Variants in GRM8 observed in about 807,000 individuals in gnomAD.
GRM8 encodes glutamate metabotropic receptor 8, also known as metabotropic glutamate receptor 8.
Under a neutral mutation model 87.2 loss-of-function variants are expected in GRM8, and 47 were observed. That is an observed-to-expected ratio of 0.54 (90% CI 0.43 to 0.69). The LOEUF (loss-of-function observed/expected upper bound fraction) is 0.69. Among genes scored for constraint, GRM8 ranks in the 30% least tolerant of loss-of-function variants. GRM8 has a pLI of 0.00. For synonymous variants in GRM8, 396 were observed against 404.5 expected, an observed-to-expected ratio of 0.98 and a Z score of 0.25; for missense variants, 1,019 against 1,139.2, an observed-to-expected ratio of 0.89 and a Z score of 1.52.
At chr7:127,175,522 C>A (rs1794050724) in intron 2 of GRM8, among the ~76,000 whole-genome samples, 1 of 152,118 alleles carries the variant, frequency 6.6e-6, no homozygotes, top group African/African-American at 2.4e-5. Context: ...AACACTTAAA[C>A]TACTTGTAGG....
At chr7:127,036,904 G>A (rs1369927990) in intron 3 of GRM8, among the ~76,000 whole-genome samples, 1 of 152,114 alleles carries the variant, frequency 6.6e-6, no homozygotes, top group African/African-American at 2.4e-5. Flanking sequence ...CAAGTAAACA[G>A]GTTTTATAGT....
chr7:126,797,524 A>ATATTCAT (rs1198515627), intron 6 of GRM8, among the ~76,000 whole-genome samples: 3 of 152,054 alleles, frequency 2.0e-5, no homozygotes, highest in Non-Finnish European at 2.9e-5. Flanking sequence ...GTCCATGAAT[A>ATATTCAT]TATTCATTAG....
chr7:127,056,792 T>C (rs73442145), intron 3 of GRM8, among the ~76,000 whole-genome samples: 133 of 152,338 alleles, frequency 8.7e-4, no homozygotes, highest in African/African-American at 3.0e-3. Context: ...GGAGCTTAAG[T>C]ATTCAAAAGT....
intron 3 of GRM8, among the ~76,000 whole-genome samples, chr7:127,056,357 G>A (rs142189643): frequency 1.2e-4 from 18 of 152,312 alleles, no homozygotes; most frequent in African/African-American, 3.8e-4. Flanking sequence ...GCCATAAACT[G>A]TAGAAGCACA....
At chr7:127,170,501 C>T (rs1332183465) in intron 2 of GRM8, among the ~76,000 whole-genome samples, 1 of 152,158 alleles carries the variant, frequency 6.6e-6, no homozygotes, top group East Asian at 1.9e-4. Context: ...TACCTACCCA[C>T]AGGAAAAGAA....
chr7:126,861,217 T>C (rs1798107755), intron 6 of GRM8, among the ~76,000 whole-genome samples: 1 of 152,156 alleles, frequency 6.6e-6, no homozygotes, highest in Admixed American at 6.5e-5. Context: ...ATAAAGAGTG[T>C]ATTATACTAT....
intron 1 of GRM8, among the ~76,000 whole-genome samples, chr7:127,248,065 A>T (rs1000024209): frequency 4.0e-5 from 6 of 151,774 alleles, no homozygotes; most frequent in East Asian, 3.9e-4. Context: ...CCAGGCATTT[A>T]AAAAAAAATC....
rs908464182 is a variant in GRM8 at position 126,527,197 on chromosome 7, A to G, written c.2430+5755T>C. On this transcript the variant is annotated intron_variant, in intron 9 of 10. Coordinates refer to ENST00000339582, the MANE Select transcript of GRM8 (RefSeq NM_000845.3). ...AATATGGTGAAACCCCATCTCTACT[A>G]AAAATACAAAATTAGCTGGGCATAG... Among the ~76,000 whole-genome samples the G allele has an allele frequency of 2.6e-5, 4 of 152,130 alleles. No homozygotes were observed. In the South Asian group the frequency reaches 8.3e-4, roughly 32 times the overall value.
intron 2 of GRM8, among the ~76,000 whole-genome samples, chr7:127,147,417 A>T (rs932146590): frequency 6.6e-6 from 1 of 151,960 alleles, no homozygotes. Flanking sequence ...ATATTGTTAA[A>T]CCCTTTCGTA....
intron 8 of GRM8, among the ~76,000 whole-genome samples, chr7:126,593,617 AAATAT>A (rs1796894216): frequency 6.6e-6 from 1 of 152,042 alleles, no homozygotes; most frequent in Non-Finnish European, 1.5e-5. Flanking sequence ...TTAAATACTT[AAATAT>A]AAGACCCAAA....
At chr7:127,173,196 A>G (rs1274394941) in intron 2 of GRM8, among the ~76,000 whole-genome samples, 3 of 152,232 alleles carry the variant, frequency 2.0e-5, no homozygotes, top group African/African-American at 7.2e-5. Context: ...GTAATATGTT[A>G]GAATGCAGTA....
chr7:127,199,146 T>C (rs1413395527), intron 2 of GRM8, among the ~76,000 whole-genome samples: 3 of 151,350 alleles, frequency 2.0e-5, no homozygotes, highest in Non-Finnish European at 4.4e-5. Flanking sequence ...CGGCTTTTTT[T>C]TTTCTTTAAG....
intron 2 of GRM8, among the ~76,000 whole-genome samples, chr7:127,158,247 C>A (rs1392083058): frequency 6.6e-6 from 1 of 152,100 alleles, no homozygotes; most frequent in Admixed American, 6.5e-5. Flanking sequence ...GGCATAAAAG[C>A]CTGTCAGCCT....
At chr7:126,808,769 G>A (rs1343939651) in intron 6 of GRM8, among the ~76,000 whole-genome samples, 1 of 152,110 alleles carries the variant, frequency 6.6e-6, no homozygotes, top group Non-Finnish European at 1.5e-5. Context: ...CAAACCAGAA[G>A]AACTATTTCT....
At chr7:126,974,715 C>T (rs181973761) in intron 3 of GRM8, among the ~76,000 whole-genome samples, 38 of 152,040 alleles carry the variant, frequency 2.5e-4, no homozygotes, top group Middle Eastern at 6.8e-3. Flanking sequence ...GGGCAGATCA[C>T]GAGGTCAGGA....
intron 9 of GRM8, among the ~76,000 whole-genome samples, chr7:126,475,523 T>TA (rs202067265): frequency 0.012 from 1,802 of 152,232 alleles, 25 homozygotes; most frequent in Middle Eastern, 0.054. Flanking sequence ...TTAATATTGT[T>TA]AAAATTCTCA....
intron 6 of GRM8, among the ~76,000 whole-genome samples, chr7:126,781,074 C>T (rs1378473930): frequency 1.3e-5 from 2 of 152,146 alleles, no homozygotes; most frequent in Non-Finnish European, 2.9e-5. Context: ...TCTAGGTTCT[C>T]GGCTTAAGTA....
chr7:126,787,529 T>C (rs2151659283), intron 6 of GRM8, among the ~76,000 whole-genome samples: 1 of 152,322 alleles, frequency 6.6e-6, no homozygotes, highest in East Asian at 1.9e-4. Flanking sequence ...ACAAATCTTC[T>C]ATTATAAAAT....
chr7:126,707,296 A>AT (rs573615203), intron 7 of GRM8, among the ~76,000 whole-genome samples: 20 of 151,600 alleles, frequency 1.3e-4, no homozygotes, highest in South Asian at 2.1e-4. Context: ...GTGTACAAGT[A>AT]TTTTTTTTTA....
Sources: allele counts gnomAD v4.1 joint callset (sites outside exome capture counted in the v4.1 genomes callset), GRCh38; gene constraint gnomAD v4.1.1; transcripts MANE v1.5; gene names NCBI Gene and HGNC (gene_info 2026-07-23, HGNC 2026-07-21).